SNX8: variants seen among roughly 807,000 people sequenced by gnomAD.
SNX8 encodes sorting nexin 8.
A neutral mutation model predicts 51.6 loss-of-function variants in SNX8; 25 were observed. That is an observed-to-expected ratio of 0.48 (90% CI 0.35 to 0.68). The LOEUF is 0.68. Among genes scored for constraint, SNX8 ranks in the 30% least tolerant of loss-of-function variants. The pLI, the probability that SNX8 is intolerant of heterozygous loss-of-function variation, is 0.00. For missense variants in SNX8, 695 were observed against 624.0 expected, an observed-to-expected ratio of 1.11 and a Z score of -1.21; for synonymous variants, 324 against 277.0, an observed-to-expected ratio of 1.17 and a Z score of -1.68.
chr7:2,304,928 G>A (rs1396300774), intron 1 of SNX8, among the ~76,000 whole-genome samples: 7 of 152,172 alleles, frequency 4.6e-5, no homozygotes, highest in Non-Finnish European at 8.8e-5. Flanking sequence ...TGAAGATAAT[G>A]AACTGTGCCC....
At chr7:2,305,078 T>G (rs1400707985) in intron 1 of SNX8, among the ~76,000 whole-genome samples, 1 of 152,176 alleles carries the variant, frequency 6.6e-6, no homozygotes, top group Non-Finnish European at 1.5e-5. Context: ...CCTGCTGTGC[T>G]GCCGGTGGGT....
chr7:2,281,401 A>G (rs1013267921), intron 1 of SNX8, among the ~76,000 whole-genome samples: 2 of 151,980 alleles, frequency 1.3e-5, no homozygotes, highest in Non-Finnish European at 2.9e-5. Flanking sequence ...CCTGGGTGAC[A>G]GAGTAAGACC....
At chr7:2,269,720 G>A (rs6947645) in intron 4 of SNX8, 81 bp from the exon 5 acceptor site, 294,209 of 862,528 alleles carry the variant, frequency 0.34, 53,232 homozygotes, top group African/African-American at 0.47. Context: ...ACTGTGGAGC[G>A]GGAGGTCGTC....
chr7:2,267,187 A>T (rs1795484658), intron 5 of SNX8, among the ~76,000 whole-genome samples: 1 of 152,270 alleles, frequency 6.6e-6, no homozygotes, highest in Non-Finnish European at 1.5e-5. Context: ...ACCATGCGAC[A>T]GATGTCAGCA....
Position 2,252,623 on chromosome 7 carries a change from GCCC to G in SNX8, c.*2430_*2432del, listed in dbSNP as rs1302503325. 3 of 141,080 alleles carry G rather than the reference GCCC, an allele frequency of 2.1e-5. No individual in the cohort carries two copies. Among genetic ancestry groups the G allele is most frequent in the Non-Finnish European group, 1.5e-5 (1 of 65,252 alleles). 8.7% of individuals were successfully genotyped at this position (141,080 alleles called of 1,614,324 possible). ...CTGCCCTCGTCACCGCTGCCCTCCA[GCCC>G]CCCCTTCACCCTGCCCTCCTGACCC... On this transcript the variant is annotated 3_prime_UTR_variant, in exon 11 of 11. Transcript: ENST00000222990.
chr7:2,318,511 G>A (rs1281135191), upstream of SNX8, among the ~76,000 whole-genome samples: 23 of 143,540 alleles, frequency 1.6e-4, no homozygotes, highest in East Asian at 2.1e-4. Flanking sequence ...GCAAAAGAGC[G>A]AAACTCTGTC....
chr7:2,278,029 T>A (rs1795821287), intron 2 of SNX8, 71 bp downstream of exon 2: 34 of 1,557,820 alleles, frequency 2.2e-5, no homozygotes, highest in Non-Finnish European at 1.9e-5. Context: ...ACACCACTCC[T>A]GCCCTGAGAT....
intron 1 of SNX8, among the ~76,000 whole-genome samples, chr7:2,334,436 G>A (rs919609350): frequency 1.2e-4 from 18 of 151,428 alleles, no homozygotes; most frequent in Non-Finnish European, 1.3e-4. Flanking sequence ...AGTGGCTCGC[G>A]CCTGTAATCC....
upstream of SNX8, among the ~76,000 whole-genome samples, chr7:2,318,123 A>G (rs761601252): frequency 2.6e-5 from 4 of 152,092 alleles, no homozygotes; most frequent in Non-Finnish European, 5.9e-5. Flanking sequence ...ATAGCTCACT[A>G]TAGCCTCAAA....
intron 3 of SNX8, 117 bp from the exon 4 acceptor site, chr7:2,272,088 G>C (rs1391763585): frequency 7.0e-7 from 1 of 1,419,260 alleles, no homozygotes; most frequent in Non-Finnish European, 9.6e-7. Context: ...GGCTAGCAGA[G>C]GGCACTGGCT....
At chr7:2,294,293 A>C (rs1390279043) in intron 1 of SNX8, among the ~76,000 whole-genome samples, 5 of 148,382 alleles carry the variant, frequency 3.4e-5, no homozygotes, top group Non-Finnish European at 6.0e-5. Flanking sequence ...GAAAAAAAAG[A>C]AAAAAAAAAG....
chr7:2,342,275 G>A (rs928564215), intron 1 of SNX8, among the ~76,000 whole-genome samples: 10 of 152,078 alleles, frequency 6.6e-5, no homozygotes, highest in Non-Finnish European at 1.0e-4. Context: ...AATGAGAAAA[G>A]AAATGTTCAA....
At chr7:2,318,871 A>G (rs914367551), upstream of SNX8, among the ~76,000 whole-genome samples, 1 of 151,260 alleles carries the variant, frequency 6.6e-6, no homozygotes, top group African/African-American at 2.4e-5. Flanking sequence ...AGCCAGGCAC[A>G]ATGGCACACA....
At chr7:2,314,555 T>A (rs1379911421), upstream of SNX8, 5 of 889,790 alleles carry the variant, frequency 5.6e-6, no homozygotes, top group Non-Finnish European at 6.8e-6. Context: ...AGTCCGCCCC[T>A]GCGGGCCCGC....
At chr7:2,287,027 T>G (rs1796045877) in intron 1 of SNX8, among the ~76,000 whole-genome samples, 2 of 151,374 alleles carry the variant, frequency 1.3e-5, no homozygotes, top group Admixed American at 1.3e-4. Context: ...TAATCCCAGC[T>G]ACTCAGGAGG....
intron 1 of SNX8, among the ~76,000 whole-genome samples, chr7:2,337,726 TGTTA>T (rs1431648352): frequency 2.0e-5 from 3 of 151,496 alleles, no homozygotes; most frequent in Admixed American, 6.6e-5. Flanking sequence ...CAATTTTAGA[TGTTA>T]GTTAAAGAAT....
upstream of SNX8, among the ~76,000 whole-genome samples, chr7:2,318,813 A>G (rs1456691325): frequency 6.0e-5 from 9 of 150,574 alleles, no homozygotes; most frequent in Non-Finnish European, 1.3e-4. Flanking sequence ...GGAATTCTAG[A>G]CCAACCTGGG....
upstream of SNX8, among the ~76,000 whole-genome samples, chr7:2,317,704 AG>A (rs1238301093): frequency 6.6e-6 from 1 of 152,074 alleles, no homozygotes; most frequent in Non-Finnish European, 1.5e-5. Context: ...CTCTGGCTAT[AG>A]CTGCTGGACC....
intron 5 of SNX8, among the ~76,000 whole-genome samples, chr7:2,267,458 G>A (rs1477511053): frequency 7.5e-6 from 1 of 133,628 alleles, no homozygotes; most frequent in South Asian, 2.7e-4. Flanking sequence ...GAATGCCTGC[G>A]ATTGCAGGCA....
Sources: gnomAD v4.1 joint callset for allele counts (sites outside exome capture counted in the v4.1 genomes callset) on GRCh38, gnomAD v4.1.1 for gene constraint, MANE v1.5 for transcripts, NCBI Gene and HGNC (gene_info 2026-07-23, HGNC 2026-07-21) for gene names.